Variants in TTC23L observed in about 807,000 individuals in gnomAD.
TTC23L encodes tetratricopeptide repeat protein 23-like.
TTC23L carries 42 observed loss-of-function variants against 48.1 expected under a neutral mutation model. The ratio of observed to expected loss-of-function variants is 0.87; its 90% CI spans 0.68 to 1.13. The LOEUF is 1.13. Ranked by LOEUF, TTC23L falls within the 50% of genes most tolerant of loss-of-function variation. TTC23L has a pLI of 0.00. For synonymous variants in TTC23L, 159 were observed against 157.2 expected (o/e 1.01, Z -0.09); for missense variants, 391 against 421.0 (o/e 0.93, Z 0.62).
chr5:34,910,623 T>C, the TTC23L span, among the ~76,000 whole-genome samples: 1 of 152,132 alleles, frequency 6.6e-6, no homozygotes, highest in Admixed American at 6.5e-5. Flanking sequence ...AGACAGGGTT[T>C]CACCACATTG....
At chr5:34,886,065 A>G (rs1295718961) in intron 9 of TTC23L, among the ~76,000 whole-genome samples, 4 of 152,216 alleles carry the variant, frequency 2.6e-5, no homozygotes, top group Non-Finnish European at 5.9e-5. Flanking sequence ...ACTGCTAATC[A>G]TAGGCTCTAT....
At chr5:34,875,744 T>C (rs1561145538) in intron 8 of TTC23L, among the ~76,000 whole-genome samples, 1 of 151,856 alleles carries the variant, frequency 6.6e-6, no homozygotes, top group Non-Finnish European at 1.5e-5. Flanking sequence ...AGGCAGAAAA[T>C]CAGTAAGGAC....
At chr5:34,856,413 CT>C (rs962511302) in intron 4 of TTC23L, among the ~76,000 whole-genome samples, 2 of 152,178 alleles carry the variant, frequency 1.3e-5, no homozygotes, top group Admixed American at 1.3e-4. Flanking sequence ...ATCTGAAACA[CT>C]TCTGGTCCCA....
At chr5:34,851,416 T>A (rs1163770111) in intron 4 of TTC23L, among the ~76,000 whole-genome samples, 1 of 152,204 alleles carries the variant, frequency 6.6e-6, no homozygotes, top group Non-Finnish European at 1.5e-5. Context: ...ATAGGCCCTT[T>A]TACACCCATT....
At chr5:34,846,849 G>A (rs1445765975) in intron 3 of TTC23L, among the ~76,000 whole-genome samples, 3 of 151,946 alleles carry the variant, frequency 2.0e-5, no homozygotes, top group Admixed American at 6.6e-5. Flanking sequence ...CTTGGTTACA[G>A]TGGAATCATA....
At chr5:34,884,620 G>C (rs1370111961) in intron 9 of TTC23L, among the ~76,000 whole-genome samples, 1 of 150,774 alleles carries the variant, frequency 6.6e-6, no homozygotes, top group Non-Finnish European at 1.5e-5. Context: ...ACAAAAATCA[G>C]TTGTATTTTT....
At chr5:34,899,733 A>G (rs970029202), downstream of TTC23L, among the ~76,000 whole-genome samples, 2 of 152,190 alleles carry the variant, frequency 1.3e-5, no homozygotes, top group African/African-American at 4.8e-5. Context: ...TACTAAAAAT[A>G]CAAAAAAAAT....
chr5:34,901,179 T>A (rs1391588677), downstream of TTC23L, among the ~76,000 whole-genome samples: 1 of 152,180 alleles, frequency 6.6e-6, no homozygotes, highest in Non-Finnish European at 1.5e-5. Context: ...TTAAAAATAT[T>A]TCTAGGCAAC....
the TTC23L span, chr5:34,906,120 A>C: frequency 6.6e-6 from 1 of 151,762 alleles, no homozygotes; most frequent in Non-Finnish European, 1.5e-5. Context: ...ACACCCAGCT[A>C]ATTTTTGTAT....
chr5:34,854,400 C>G (rs977835278), intron 4 of TTC23L, among the ~76,000 whole-genome samples: 8 of 152,092 alleles, frequency 5.3e-5, no homozygotes, highest in Admixed American at 3.3e-4. Flanking sequence ...TAGCCCAGTG[C>G]CTCTTTGCTT....
chr5:34,886,384 C>A lies in TTC23L; in HGVS notation c.1077+6076C>A, dbSNP rs1049195542. ...GATTTAAAAAAAAAAAAAAAAAAAA[C>A]GTTTTATCCCTCAGGAGGCTTACAG... On this transcript the variant is annotated intron_variant, in intron 9 of 10. Transcript: ENST00000505624. Among the ~76,000 whole-genome samples the A allele has an allele frequency of 2.5e-4, 23 of 93,312 alleles. No individual in the cohort carries two copies. In the East Asian group the frequency reaches 2.5e-3, roughly 10 times the overall value. The allele number at this position is 93,312 out of a possible 152,430, so 61.2% of individuals were successfully genotyped here.
intron 8 of TTC23L, 66 bp downstream of exon 8, chr5:34,869,079 CCTAT>C (rs1242779152): frequency 8.6e-6 from 11 of 1,279,542 alleles, no homozygotes; most frequent in Non-Finnish European, 1.0e-5. Context: ...TGGCAAACAG[CCTAT>C]CTAAGATTCT....
At chr5:34,918,415 A>T in the TTC23L span, 1 of 1,608,486 alleles carries the variant, frequency 6.2e-7, no homozygotes, top group African/African-American at 1.3e-5. Context: ...CAGAGGAATA[A>T]ATTTTAGAAC....
intron 2 of TTC23L, among the ~76,000 whole-genome samples, chr5:34,844,147 C>T (rs1758916968): frequency 6.6e-6 from 1 of 152,166 alleles, no homozygotes; most frequent in Non-Finnish European, 1.5e-5. Context: ...GGAAGTTCAT[C>T]ACCTGTCTTC....
rs1030942305 is a variant in TTC23L at position 34,884,392 on chromosome 5, T to C, written c.1077+4084T>C. Reference sequence around the variant, plus strand: ...CCACTTTTGCCACCTCTATTCAACATAGTACTGGAAGTACTAGCCAGAGCA... The same window carrying C: ...CCACTTTTGCCACCTCTATTCAACACAGTACTGGAAGTACTAGCCAGAGCA... On this transcript the variant is annotated intron_variant, in intron 9 of 10. Transcript: ENST00000505624. Among the ~76,000 whole-genome samples the C allele has an allele frequency of 4.6e-5, 7 of 152,270 alleles. No homozygotes were observed. The East Asian group carries it at 1.2e-3, about 25-fold the overall frequency.
Position 34,899,002 on chromosome 5 carries a change from A to G in TTC23L, c.*98-388A>G, listed in dbSNP as rs183979897. Among the ~76,000 whole-genome samples the G allele has an allele frequency of 8.5e-5, 13 of 152,290 alleles. No homozygotes were observed. The East Asian group carries it at 2.5e-3, about 29-fold the overall frequency. ...GATCTTTCACAGGGCCTCGGGCTGT[A>G]AGTCTCCGAGCTCGTGAGAAGAAAC... On this transcript the variant is annotated intron_variant, in intron 10 of 10. Transcript: ENST00000505624.
chr5:34,845,548 T>TG lies in TTC23L; in HGVS notation c.131dup (p.Cys44TrpfsTer5), dbSNP rs767847244. 1.9e-6 allele frequency: 3 copies of TG among 1,612,862 alleles called. No individual in the cohort carries two copies. Among genetic ancestry groups the TG allele is most frequent in the Non-Finnish European group, 2.5e-6 (3 of 1,179,598 alleles). On this transcript the variant is annotated frameshift_variant, in exon 3 of 11. Coordinates refer to ENST00000505624, the Ensembl canonical transcript of TTC23L. LOFTEE classifies it high-confidence loss of function. ...AGATGAGTTGTATCCCACTGGTGGG[T>TG]GTGGAGAGAGTGAAGAGGAAACTAA...
At chr5:34,922,893 T>G in the TTC23L span, 1 of 1,218,268 alleles carries the variant, frequency 8.2e-7, no homozygotes. Flanking sequence ...ATCAATTCTT[T>G]CAGGTACATT....
chr5:34,857,261 C>T (rs1760205032), intron 4 of TTC23L, among the ~76,000 whole-genome samples: 1 of 152,070 alleles, frequency 6.6e-6, no homozygotes, highest in African/African-American at 2.4e-5. Context: ...TTCAAGTGTT[C>T]AGGAAGGAAA....
Sources: allele counts gnomAD v4.1 joint callset (sites outside exome capture counted in the v4.1 genomes callset), GRCh38; gene constraint gnomAD v4.1.1; transcripts MANE v1.5; gene names NCBI Gene and HGNC (gene_info 2026-07-23, HGNC 2026-07-21).